Variants in KDM2B observed in about 807,000 individuals in gnomAD.
KDM2B encodes the protein lysine-specific demethylase 2B.
KDM2B carries 26 observed loss-of-function variants against 150.0 expected under a neutral mutation model. That is an observed-to-expected ratio of 0.17 (90% CI 0.13 to 0.24). KDM2B has a LOEUF of 0.24. Ranked by LOEUF, KDM2B falls within the 10% of genes least tolerant of loss-of-function variation. KDM2B has a pLI of 1.00. For missense variants in KDM2B, 1,265 were observed against 1,816.9 expected (o/e 0.70, Z 5.52); for synonymous variants, 734 against 729.5 (o/e 1.01, Z -0.10).
intron 1 of KDM2B, chr12:121,579,871 C>T: frequency 1.4e-6 from 2 of 1,394,196 alleles, no homozygotes; most frequent in Non-Finnish European, 1.9e-6. Context: ...CTTTTGCATG[C>T]AATTTATTAT....
At chr12:121,417,573 T>A in the KDM2B span, 1 of 1,614,216 alleles carries the variant, frequency 6.2e-7, no homozygotes, top group Non-Finnish European at 8.5e-7. This position sits in a 1 kb window ranked among gnomAD's most constrained non-coding sequence, Gnocchi z 5.0. Context: ...TCTCCGTAGA[T>A]GTTCTACTTG....
chr12:121,440,563 C>A (rs1456206743), intron 21 of KDM2B: 1 of 490,000 alleles, frequency 2.0e-6, no homozygotes, highest in African/African-American at 1.9e-5. Context: ...GTGAGACACA[C>A]GCAGAGCCCC....
At chr12:121,548,231 C>T (rs1194301351) in intron 6 of KDM2B, among the ~76,000 whole-genome samples, 1 of 152,086 alleles carries the variant, frequency 6.6e-6, no homozygotes, top group Non-Finnish European at 1.5e-5. Context: ...CGTGCCACTG[C>T]ACTCCAGCCT....
At chr12:121,554,627 T>A (rs1594115790) in intron 4 of KDM2B, among the ~76,000 whole-genome samples, 1 of 151,916 alleles carries the variant, frequency 6.6e-6, no homozygotes, top group Non-Finnish European at 1.5e-5. Flanking sequence ...TCCAGGCTGG[T>A]CTAGAACTCC....
rs557702883 is a variant in KDM2B, at chr12:121,513,678, G to A, written c.1048-276C>T. 9.0e-4 allele frequency among the ~76,000 whole-genome samples: 137 copies of A among 152,238 alleles called. No individual in the cohort carries two copies. Among genetic ancestry groups the A allele is most frequent in the African/African-American group, 1.7e-3 (70 of 41,540 alleles). ...TGGATGGGGGCCACTTGATGCTCCC[G>A]TGAGATGCAGAAAAACAGAATTCTC... On this transcript the variant is annotated intron_variant, in intron 9 of 22. Coordinates refer to ENST00000377071, the MANE Select transcript of KDM2B (RefSeq NM_032590.5). The surrounding 1 kb of genome is among the most constrained non-coding windows in gnomAD (Gnocchi z 5.0).
intron 4 of KDM2B, among the ~76,000 whole-genome samples, chr12:121,566,546 G>C (rs1322073738): frequency 6.6e-6 from 1 of 151,838 alleles, no homozygotes; most frequent in Non-Finnish European, 1.5e-5. Flanking sequence ...CGCTTGAACG[G>C]GGAGGCGGAG....
chr12:121,577,755 G>A (rs541576095), intron 2 of KDM2B, among the ~76,000 whole-genome samples: 15 of 152,316 alleles, frequency 9.8e-5, no homozygotes, highest in African/African-American at 3.4e-4. Flanking sequence ...AAGGGAAAAG[G>A]AGTGAAGGGC....
At chr12:121,444,927 G>T in intron 14 of KDM2B, 1 of 407,100 alleles carries the variant, frequency 2.5e-6, no homozygotes. Flanking sequence ...AAGGAGTGTG[G>T]TGTGGGGCCT....
At chr12:121,481,036 T>C (rs548111933) in intron 12 of KDM2B, among the ~76,000 whole-genome samples, 15 of 151,434 alleles carry the variant, frequency 9.9e-5, no homozygotes, top group African/African-American at 3.4e-4. Flanking sequence ...CAAGCGATTC[T>C]CCTGCCTCAG....
chr12:121,551,591 C>T (rs782140177), intron 4 of KDM2B, among the ~76,000 whole-genome samples: 1 of 152,162 alleles, frequency 6.6e-6, no homozygotes, highest in Non-Finnish European at 1.5e-5. Flanking sequence ...CTCGCTCTGT[C>T]GCCCAGGTTG....
chr12:121,562,668 G>T (rs1555314014), intron 4 of KDM2B, among the ~76,000 whole-genome samples: 1 of 151,158 alleles, frequency 6.6e-6, no homozygotes, highest in Admixed American at 6.6e-5. Context: ...GAGGAGGAAG[G>T]GGGGAGGAAG....
intron 4 of KDM2B, among the ~76,000 whole-genome samples, chr12:121,550,113 C>G (rs1218298168): frequency 6.6e-6 from 1 of 152,136 alleles, no homozygotes; most frequent in African/African-American, 2.4e-5. Flanking sequence ...AGTTCGAGAC[C>G]AGCCTGGCCA....
At chr12:121,438,076 A>C (rs981022343) in intron 22 of KDM2B, among the ~76,000 whole-genome samples, 3 of 152,222 alleles carry the variant, frequency 2.0e-5, no homozygotes, top group Admixed American at 2.0e-4. Context: ...CAACATGGTG[A>C]AACCTCATCT....
chr12:121,416,131 A>C, the KDM2B span: 1 of 1,593,246 alleles, frequency 6.3e-7, no homozygotes, highest in Non-Finnish European at 8.6e-7. Flanking sequence ...ACTTAGCTTT[A>C]AACTGTGGGA....
intron 4 of KDM2B, among the ~76,000 whole-genome samples, chr12:121,551,614 A>T (rs1889503481): frequency 6.6e-6 from 1 of 152,174 alleles, no homozygotes; most frequent in Non-Finnish European, 1.5e-5. Context: ...GTATAGTGGC[A>T]CAATCTCAGC....
intron 13 of KDM2B, among the ~76,000 whole-genome samples, chr12:121,445,971 G>C (rs1473523312): frequency 2.0e-5 from 3 of 152,222 alleles, no homozygotes; most frequent in African/African-American, 7.2e-5. Context: ...CAGAATAACA[G>C]ACGTTATTTG....
intron 21 of KDM2B, chr12:121,440,435 C>G: frequency 2.5e-6 from 1 of 403,340 alleles, no homozygotes; most frequent in Non-Finnish European, 4.6e-6. Context: ...ATCCTGGAAG[C>G]CTTTGCACAA....
intron 4 of KDM2B, among the ~76,000 whole-genome samples, chr12:121,557,412 G>A (rs781829039): frequency 5.3e-5 from 8 of 151,750 alleles, no homozygotes; most frequent in Admixed American, 2.6e-4. Flanking sequence ...TAATTTTTTT[G>A]TATTTTTAGT....
At position 121,429,657 on chromosome 12, in the gene KDM2B, A is replaced by C. The variant is rs1026634450; in HGVS notation, c.*631T>G. 1 of 262,672 alleles carries C rather than the reference A, an allele frequency of 3.8e-6. No individual in the cohort carries two copies. Among genetic ancestry groups the C allele is most frequent in the Non-Finnish European group, 7.2e-6 (1 of 137,992 alleles). The allele number at this position is 262,672 out of a possible 1,614,324, so 16.3% of individuals were successfully genotyped here. A position where few individuals can be genotyped will look rare whatever the true frequency, so the allele number is the denominator to read the frequency against. ...GTGGAAGGTCTTAGCCTACTTTGTT[A>C]GATCTGGGCACATTTGTAGATGGGT... On this transcript the variant is annotated 3_prime_UTR_variant, in exon 23 of 23. Coordinates refer to ENST00000377071, the MANE Select transcript of KDM2B (RefSeq NM_032590.5).
Sources: gnomAD v4.1 joint callset for allele counts (sites outside exome capture counted in the v4.1 genomes callset) on GRCh38, gnomAD v4.1.1 for gene constraint, Gnocchi (gnomAD v3.1) non-coding constraint, MANE v1.5 for transcripts, NCBI Gene and HGNC (gene_info 2026-07-23, HGNC 2026-07-21) for gene names.